The following PCCA variants were observed in gnomAD, a reference collection of about 807,000 sequenced individuals.
The protein encoded by PCCA is propionyl-CoA carboxylase alpha chain, mitochondrial.
Under a neutral mutation model 101.3 loss-of-function variants are expected in PCCA, and 74 were observed. The observed-to-expected ratio is 0.73, with a 90% CI of 0.61 to 0.89. PCCA has a LOEUF of 0.89. PCCA is among the 40% of genes least tolerant of loss of function. The probability of loss-of-function intolerance (pLI) is 0.00; values close to 1 mark genes in which losing one functional copy is unlikely to be tolerated. For missense variants in PCCA, 891 were observed against 907.0 expected (o/e 0.98, Z 0.23); for synonymous variants, 294 against 313.6 (o/e 0.94, Z 0.66).
At chr13:100,521,500 G>T (rs2087291267) in intron 22 of PCCA, among the ~76,000 whole-genome samples, 1 of 152,246 alleles carries the variant, frequency 6.6e-6, no homozygotes, top group South Asian at 2.1e-4. Flanking sequence ...AAATACTGCA[G>T]TCTCCCGTGG....
intron 19 of PCCA, among the ~76,000 whole-genome samples, chr13:100,402,446 TTTAA>T (rs1347328383): frequency 1.3e-5 from 2 of 152,188 alleles, no homozygotes; most frequent in Non-Finnish European, 2.9e-5. Context: ...TTCTCTCTAA[TTTAA>T]TTAGATAATT....
At chr13:100,389,000 A>G (rs974885927) in intron 19 of PCCA, among the ~76,000 whole-genome samples, 1 of 152,202 alleles carries the variant, frequency 6.6e-6, no homozygotes, top group Admixed American at 6.5e-5. Flanking sequence ...TTTATTGAGT[A>G]CCTTTTATGA....
intron 22 of PCCA, among the ~76,000 whole-genome samples, chr13:100,521,508 T>C (rs2087291986): frequency 6.6e-6 from 1 of 152,224 alleles, no homozygotes; most frequent in Non-Finnish European, 1.5e-5. Flanking sequence ...CAGTCTCCCG[T>C]GGCCTCCTCC....
intron 21 of PCCA, among the ~76,000 whole-genome samples, chr13:100,456,929 T>C (rs751031042): frequency 5.3e-5 from 8 of 151,922 alleles, no homozygotes; most frequent in Non-Finnish European, 1.2e-4. Context: ...GTTCCCTGAC[T>C]CCTCCAAGGA....
At chr13:100,340,956 G>C (rs1036440860) in intron 18 of PCCA, among the ~76,000 whole-genome samples, 1 of 152,202 alleles carries the variant, frequency 6.6e-6, no homozygotes, top group African/African-American at 2.4e-5. Flanking sequence ...AAGATGGAAG[G>C]TGATGAACTA....
At chr13:100,151,175 T>A in intron 4 of PCCA, 1 of 771,946 alleles carries the variant, frequency 1.3e-6, no homozygotes, top group East Asian at 2.7e-5. Flanking sequence ...AGAAGATGAT[T>A]TTTCTCAGTC....
At chr13:100,494,949 C>T (rs1033791421) in intron 21 of PCCA, among the ~76,000 whole-genome samples, 3 of 152,170 alleles carry the variant, frequency 2.0e-5, no homozygotes, top group East Asian at 3.9e-4. Flanking sequence ...CTTAGTTCTC[C>T]CTCTGAAATT....
At chr13:100,291,725 C>T (rs972734632) in intron 12 of PCCA, among the ~76,000 whole-genome samples, 2 of 152,168 alleles carry the variant, frequency 1.3e-5, no homozygotes, top group Non-Finnish European at 2.9e-5. Context: ...GCATATGTCT[C>T]CTAGCATTCT....
chr13:100,495,391 C>T (rs997148694), intron 21 of PCCA, among the ~76,000 whole-genome samples: 6 of 152,204 alleles, frequency 3.9e-5, no homozygotes, highest in Non-Finnish European at 8.8e-5. Context: ...AGAGACGCTA[C>T]TGCTGCTGAT....
intron 18 of PCCA, among the ~76,000 whole-genome samples, chr13:100,349,145 C>T (rs909037004): frequency 1.3e-4 from 20 of 151,050 alleles, no homozygotes; most frequent in East Asian, 7.8e-4. Context: ...TGTTTTGAGA[C>T]GGAGTTTTGC....
At chr13:100,312,977 A>C (rs2067043764) in intron 16 of PCCA, among the ~76,000 whole-genome samples, 1 of 152,168 alleles carries the variant, frequency 6.6e-6, no homozygotes, top group Non-Finnish European at 1.5e-5. Context: ...AGACTTTTTA[A>C]TTTTAGGTAT....
intron 20 of PCCA, among the ~76,000 whole-genome samples, chr13:100,428,333 AC>A (rs1567120404): frequency 1.7e-4 from 2 of 11,882 alleles, no homozygotes; most frequent in Non-Finnish European, 3.5e-4. Context: ...GACCCCCCCT[AC>A]CCCCCACCCC....
At chr13:100,270,224 C>G (rs2063217151) in intron 11 of PCCA, among the ~76,000 whole-genome samples, 1 of 152,218 alleles carries the variant, frequency 6.6e-6, no homozygotes, top group Non-Finnish European at 1.5e-5. Flanking sequence ...AAGCTAATTA[C>G]TTGGTGTTGA....
At chr13:100,488,338 C>A (rs1248239280) in intron 21 of PCCA, among the ~76,000 whole-genome samples, 1 of 152,178 alleles carries the variant, frequency 6.6e-6, no homozygotes, top group African/African-American at 2.4e-5. Flanking sequence ...GGTGATCCAC[C>A]CGCCTCGGCT....
At chr13:100,129,579 G>A (rs1486301508) in intron 4 of PCCA, among the ~76,000 whole-genome samples, 4 of 152,058 alleles carry the variant, frequency 2.6e-5, no homozygotes, top group South Asian at 2.1e-4. Flanking sequence ...CCCCCCCGCC[G>A]GCATTTTGGA....
At chr13:100,138,896 C>G (rs1457245824) in intron 4 of PCCA, among the ~76,000 whole-genome samples, 1 of 141,796 alleles carries the variant, frequency 7.1e-6, no homozygotes, top group East Asian at 2.0e-4. Flanking sequence ...GATCACACCA[C>G]TGCACTCCAG....
At chr13:100,499,981 CT>C (rs2085555805) in intron 21 of PCCA, among the ~76,000 whole-genome samples, 1 of 151,826 alleles carries the variant, frequency 6.6e-6, no homozygotes, top group Non-Finnish European at 1.5e-5. Flanking sequence ...TTCATTTTTT[CT>C]TTTTTTAAAG....
intron 12 of PCCA, among the ~76,000 whole-genome samples, chr13:100,291,687 A>T (rs1332091326): frequency 1.3e-5 from 2 of 152,214 alleles, no homozygotes; most frequent in Non-Finnish European, 2.9e-5. Flanking sequence ...TGAAGACATG[A>T]CCATATCTAC....
At chr13:100,424,844 T>C (rs560646986) in intron 19 of PCCA, among the ~76,000 whole-genome samples, 1 of 152,334 alleles carries the variant, frequency 6.6e-6, no homozygotes, top group East Asian at 1.9e-4. Context: ...AGTATCACCT[T>C]GTTAGGTTGT....
Sources: allele counts gnomAD v4.1 joint callset (sites outside exome capture counted in the v4.1 genomes callset), GRCh38; gene constraint gnomAD v4.1.1; transcripts MANE v1.5; gene names NCBI Gene and HGNC (gene_info 2026-07-23, HGNC 2026-07-21).